PCDHGB1: variants seen among roughly 807,000 people sequenced by gnomAD.
The protein encoded by PCDHGB1 is protocadherin gamma subfamily B, 1, also known as protocadherin gamma-B1.
In PCDHGB1, 34 loss-of-function variants were observed where a neutral mutation model predicts 56.6. The observed-to-expected ratio is 0.60, with a 90% CI of 0.46 to 0.80. PCDHGB1 has a LOEUF of 0.80. PCDHGB1 is among the 30% of genes least tolerant of loss of function. The pLI is 0.00. For missense variants in PCDHGB1, 1,278 were observed against 1,204.6 expected, an observed-to-expected ratio of 1.06 and a Z score of -0.90; for synonymous variants, 561 against 505.9, an observed-to-expected ratio of 1.11 and a Z score of -1.46.
At chr5:141,354,044 T>G (rs1441545131) in intron 1 of PCDHGB1, among the ~76,000 whole-genome samples, 2 of 152,356 alleles carry the variant, frequency 1.3e-5, no homozygotes, top group African/African-American at 2.4e-5. Context: ...CGATGGCACA[T>G]GCAATGATAA....
intron 1 of PCDHGB1, chr5:141,421,041 C>G (rs963777669): frequency 5.5e-6 from 3 of 546,514 alleles, no homozygotes; most frequent in Non-Finnish European, 9.5e-6. Context: ...TCCCTCCCTC[C>G]CCCGCCTCTA....
At chr5:141,366,357 G>T in intron 1 of PCDHGB1, 1 of 1,614,020 alleles carries the variant, frequency 6.2e-7, no homozygotes, top group South Asian at 1.1e-5. Context: ...GCTGACCTAG[G>T]CAGTATCAAG....
At chr5:141,374,195 G>A in intron 1 of PCDHGB1, 1 of 1,613,870 alleles carries the variant, frequency 6.2e-7, no homozygotes, top group Non-Finnish European at 8.5e-7. Context: ...TATTCCCGAG[G>A]AGCTGGAGAA....
At chr5:141,502,978 G>T (rs1004984942) in intron 2 of PCDHGB1, among the ~76,000 whole-genome samples, 1 of 150,096 alleles carries the variant, frequency 6.7e-6, no homozygotes, top group Non-Finnish European at 1.5e-5. Context: ...CAAGTAGCTG[G>T]GATTACAGGC....
intron 1 of PCDHGB1, chr5:141,361,429 CT>C (rs1482973199): frequency 6.2e-6 from 10 of 1,613,948 alleles, no homozygotes; most frequent in Non-Finnish European, 8.5e-6. Context: ...CAAGCCGCCC[CT>C]CTCCTCCAGC....
chr5:141,462,477 G>A (rs1430561580), intron 1 of PCDHGB1, among the ~76,000 whole-genome samples: 1 of 151,828 alleles, frequency 6.6e-6, no homozygotes, highest in East Asian at 1.9e-4. Flanking sequence ...TCTGCTTCTC[G>A]TGGTTGTTGT....
At position 141,432,552 on chromosome 5, in the gene PCDHGB1, C is replaced by G. The variant is rs1181931321; in HGVS notation, c.2410-62255C>G. ...AAGGTGGTGGCGGTGGACAGAGACT[C>G]CGGCCAGAACGCCTGGCTGTCCTAC... On this transcript the variant is annotated intron_variant, in intron 1 of 3. Coordinates refer to ENST00000523390, the MANE Select transcript of PCDHGB1 (RefSeq NM_018922.3). The surrounding 1 kb of genome is among the most constrained non-coding windows in gnomAD (Gnocchi z 6.0). The G allele has an allele frequency of 6.2e-7, 1 of 1,613,970 alleles. No homozygotes were observed. The highest frequency in any genetic ancestry group is 1.1e-5 in the South Asian group (1 of 91,064).
rs774288267 is a variant in PCDHGB1, at chr5:141,392,993, G to A, written c.2409+40324G>A. On this transcript the variant is annotated intron_variant, in intron 1 of 3. Transcript: ENST00000523390. ...TGGGGCTGGACCCCCGGAAGCTGGCGAAGCACGGAGTCCGTATCGTCTCCA... is the reference window on the plus strand; with the variant it reads ...TGGGGCTGGACCCCCGGAAGCTGGCAAAGCACGGAGTCCGTATCGTCTCCA... The A allele has an allele frequency of 5.0e-6, 8 of 1,613,802 alleles. 1 individual carries two copies. In the South Asian group the frequency reaches 6.6e-5, roughly 13 times the overall value.
chr5:141,375,211 T>G, intron 1 of PCDHGB1: 1 of 1,614,010 alleles, frequency 6.2e-7, no homozygotes, highest in Non-Finnish European at 8.5e-7. Flanking sequence ...ATCGAGACTC[T>G]GGCCTGAATG....
chr5:141,487,695 C>T lies in PCDHGB1; in HGVS notation c.2410-7112C>T, dbSNP rs1345224043. The stretch of plus-strand genomic sequence containing the variant: ...TGGCTAGGCCATGTCCTAGAGAGTA[C>T]TGGCCTCTCAGTAAGTGCCCATAGT... On this transcript the variant is annotated intron_variant, in intron 1 of 3. Coordinates refer to ENST00000523390, the MANE Select transcript of PCDHGB1 (RefSeq NM_018922.3). The surrounding 1 kb of genome is among the most constrained non-coding windows in gnomAD (Gnocchi z 5.0). 2 of 1,601,306 alleles carry T rather than the reference C, an allele frequency of 1.2e-6. No individual in the cohort carries two copies. Among genetic ancestry groups the T allele is most frequent in the East Asian group, 2.2e-5 (1 of 44,606 alleles).
chr5:141,414,212 A>G (rs778319178), intron 1 of PCDHGB1: 1 of 1,612,944 alleles, frequency 6.2e-7, no homozygotes, highest in Admixed American at 1.7e-5. Flanking sequence ...GATGTAAATG[A>G]CAACAGTCCA....
chr5:141,445,035 T>C (rs1438748354), intron 1 of PCDHGB1, among the ~76,000 whole-genome samples: 1 of 152,208 alleles, frequency 6.6e-6, no homozygotes, highest in Admixed American at 6.5e-5. Flanking sequence ...CTATGTTGTA[T>C]AGTTTTCAGT....
chr5:141,401,295 TCA>T (rs2094138879), intron 1 of PCDHGB1, among the ~76,000 whole-genome samples: 2 of 151,856 alleles, frequency 1.3e-5, no homozygotes, highest in Non-Finnish European at 2.9e-5. Flanking sequence ...TGAGCCGAGA[TCA>T]CTCCATTGCA....
chr5:141,428,238 G>A lies in PCDHGB1; in HGVS notation c.2410-66569G>A, dbSNP rs775703660. On this transcript the variant is annotated intron_variant, in intron 1 of 3. Transcript: ENST00000523390. ...TAGTCTTCGCAGACAGCCTGCAGGA[G>A]GCACTGCCAGACTTCAGTGACAGTC... 1.0e-5 allele frequency: 10 copies of A among 998,180 alleles called. No individual in the cohort carries two copies. The South Asian group carries it at 1.3e-4, about 13-fold the overall frequency. The allele number at this position is 998,180 out of a possible 1,614,324, so 61.8% of individuals were successfully genotyped here. A position where few individuals can be genotyped will look rare whatever the true frequency, so the allele number is the denominator to read the frequency against.
chr5:141,365,654 G>C (rs952946348), intron 1 of PCDHGB1: 3 of 1,613,496 alleles, frequency 1.9e-6, no homozygotes, highest in Non-Finnish European at 1.7e-6. Flanking sequence ...CCCCTTGAAA[G>C]TAGCAGACGT....
intron 1 of PCDHGB1, among the ~76,000 whole-genome samples, chr5:141,406,166 G>A (rs778809031): frequency 1.6e-4 from 24 of 151,400 alleles, no homozygotes; most frequent in Non-Finnish European, 3.2e-4. Context: ...TCAATCTCCT[G>A]GGCTTATGCA....
chr5:141,490,363 C>A lies in PCDHGB1; in HGVS notation c.2410-4444C>A. The A allele has an allele frequency of 6.2e-7, 1 of 1,614,154 alleles. No individual in the cohort carries two copies. Among genetic ancestry groups the A allele is most frequent in the South Asian group, 1.1e-5 (1 of 91,078 alleles). On this transcript the variant is annotated intron_variant, in intron 1 of 3. Coordinates refer to ENST00000523390, the MANE Select transcript of PCDHGB1 (RefSeq NM_018922.3). The surrounding 1 kb of genome is among the most constrained non-coding windows in gnomAD (Gnocchi z 5.4). Reference sequence around the variant, plus strand: ...CACAGTAGTGGGGTTGTTTAATGTGCGAGACCGGGACTCAGGTAGAAATGG... The same window carrying A: ...CACAGTAGTGGGGTTGTTTAATGTGAGAGACCGGGACTCAGGTAGAAATGG...
At chr5:141,356,746 G>C in intron 1 of PCDHGB1, 1 of 1,613,970 alleles carries the variant, frequency 6.2e-7, no homozygotes, top group Non-Finnish European at 8.5e-7. Context: ...GATCCTATAT[G>C]CTCTTTGCTC....
At chr5:141,370,566 G>A (rs1435194391) in intron 1 of PCDHGB1, 3 of 1,613,936 alleles carry the variant, frequency 1.9e-6, no homozygotes, top group Non-Finnish European at 2.5e-6. Flanking sequence ...GGGGTTTGGC[G>A]TGGGGGATTT....
Sources: allele counts gnomAD v4.1 joint callset (sites outside exome capture counted in the v4.1 genomes callset), GRCh38; gene constraint gnomAD v4.1.1; non-coding constraint Gnocchi (gnomAD v3.1); transcripts MANE v1.5; gene names NCBI Gene and HGNC (gene_info 2026-07-23, HGNC 2026-07-21).